The following NOSTRIN variants were observed in gnomAD, a reference collection of about 807,000 sequenced individuals.
NOSTRIN encodes the protein nitric oxide synthase trafficking, also known as BM247 homolog.
NOSTRIN carries 63 observed loss-of-function variants against 59.0 expected under a neutral mutation model. The ratio of observed to expected loss-of-function variants is 1.07; its 90% CI spans 0.87 to 1.32. NOSTRIN has a LOEUF of 1.32. Ranked by LOEUF, NOSTRIN falls within the 40% of genes most tolerant of loss-of-function variation. The pLI, the probability that NOSTRIN is intolerant of heterozygous loss-of-function variation, is 0.00. For missense variants in NOSTRIN, 512 were observed against 473.1 expected, an observed-to-expected ratio of 1.08 and a Z score of -0.76; for synonymous variants, 200 against 165.4, an observed-to-expected ratio of 1.21 and a Z score of -1.61.
chr2:168,819,471 C>T (rs1223275169), intron 2 of NOSTRIN, among the ~76,000 whole-genome samples: 1 of 152,182 alleles, frequency 6.6e-6, no homozygotes, highest in African/African-American at 2.4e-5. Context: ...AACATGGCTT[C>T]TTATAAAGGA....
chr2:168,817,422 G>A (rs1054427643), intron 2 of NOSTRIN, among the ~76,000 whole-genome samples: 2 of 152,234 alleles, frequency 1.3e-5, no homozygotes, highest in African/African-American at 4.8e-5. Flanking sequence ...GGTTAAGTGG[G>A]CAGGGCTCTG....
intron 12 of NOSTRIN, among the ~76,000 whole-genome samples, chr2:168,857,640 A>G (rs1158241834): frequency 6.6e-6 from 1 of 152,254 alleles, no homozygotes; most frequent in Admixed American, 6.5e-5. Context: ...GAACAGATAT[A>G]TAGCACCAGT....
intron 14 of NOSTRIN, among the ~76,000 whole-genome samples, chr2:168,861,291 C>G (rs1176240238): frequency 1.3e-5 from 2 of 152,134 alleles, no homozygotes; most frequent in Non-Finnish European, 2.9e-5. Flanking sequence ...CATGGTGATC[C>G]AGGTGGTTTG....
chr2:168,840,720 C>T (rs1688046448), intron 7 of NOSTRIN, among the ~76,000 whole-genome samples: 1 of 151,920 alleles, frequency 6.6e-6, no homozygotes, highest in African/African-American at 2.4e-5. Context: ...TAGAGAGAGT[C>T]CATTTTAACA....
intron 2 of NOSTRIN, among the ~76,000 whole-genome samples, chr2:168,817,632 T>A (rs853666): frequency 6.6e-6 from 1 of 151,924 alleles, no homozygotes; most frequent in Non-Finnish European, 1.5e-5. Flanking sequence ...AGCTTAGGAA[T>A]GAATGCACAC....
intron 3 of NOSTRIN, among the ~76,000 whole-genome samples, chr2:168,827,751 G>A (rs376620564): frequency 2.6e-5 from 4 of 151,544 alleles, no homozygotes; most frequent in South Asian, 2.1e-4. Context: ...AAAGTTTTTC[G>A]TAGAGAAAAG....
chr2:168,825,317 T>C (rs148455749), intron 3 of NOSTRIN, among the ~76,000 whole-genome samples: 353 of 152,326 alleles, frequency 2.3e-3, no homozygotes, highest in African/African-American at 8.2e-3. Flanking sequence ...ATGAGTTGCA[T>C]AGCTGGATTC....
upstream of NOSTRIN, among the ~76,000 whole-genome samples, chr2:168,800,259 A>G (rs554701997): frequency 6.6e-6 from 1 of 152,346 alleles, no homozygotes; most frequent in African/African-American, 2.4e-5. Context: ...CCATCCAGCT[A>G]AACTACAGAT....
upstream of NOSTRIN, among the ~76,000 whole-genome samples, chr2:168,801,924 G>A (rs1176811220): frequency 1.3e-5 from 2 of 152,182 alleles, no homozygotes; most frequent in Admixed American, 6.5e-5. Flanking sequence ...AGCGAGTGTG[G>A]AGTTAGGCTC....
chr2:168,834,511 A>ACACACACACACACG (rs1687593802), intron 7 of NOSTRIN, among the ~76,000 whole-genome samples, 186 bp downstream of exon 7: 3 of 129,394 alleles, frequency 2.3e-5, no homozygotes, highest in African/African-American at 8.5e-5. Context: ...GCGCGCGCAC[A>ACACACACACACACG]CACACACACA....
chr2:168,841,489 G>T (rs746553338), intron 7 of NOSTRIN, among the ~76,000 whole-genome samples: 2 of 152,106 alleles, frequency 1.3e-5, no homozygotes, highest in African/African-American at 4.8e-5. Context: ...GCAAGAGGGG[G>T]GCTCTTTGTA....
intron 8 of NOSTRIN, among the ~76,000 whole-genome samples, chr2:168,847,425 C>G (rs1359940043): frequency 6.6e-6 from 1 of 152,064 alleles, no homozygotes; most frequent in Non-Finnish European, 1.5e-5. Context: ...TCAATCAGAG[C>G]CTCTGAATGA....
Position 168,831,469 on chromosome 2 carries a change from T to C in NOSTRIN, c.343-3T>C, listed in dbSNP as rs755054570. Reference sequence around the variant, plus strand: ...CTTTGTTTCCTTTTTCCTTTTTCAATAGCTTGACAATGAAGTTGAAAAGAC... The same window carrying C: ...CTTTGTTTCCTTTTTCCTTTTTCAACAGCTTGACAATGAAGTTGAAAAGAC... On this transcript the variant is annotated splice_polypyrimidine_tract_variant and splice_region_variant and intron_variant, in intron 5 of 15. Coordinates refer to ENST00000317647, the MANE Select transcript of NOSTRIN (RefSeq NM_001039724.4). The C allele has an allele frequency of 1.2e-6, 1 of 863,350 alleles. No individual in the cohort carries two copies. Among genetic ancestry groups the C allele is most frequent in the Non-Finnish European group, 2.0e-6 (1 of 494,028 alleles). 53.5% of individuals were successfully genotyped at this position (863,350 alleles called of 1,614,324 possible).
At chr2:168,827,946 T>A (rs948561272) in intron 3 of NOSTRIN, among the ~76,000 whole-genome samples, 1 of 151,788 alleles carries the variant, frequency 6.6e-6, no homozygotes. Context: ...AAATGAAAAA[T>A]AACTGGGAAA....
chr2:168,846,816 T>C (rs181785224), intron 8 of NOSTRIN, among the ~76,000 whole-genome samples: 6 of 152,286 alleles, frequency 3.9e-5, no homozygotes, highest in Admixed American at 3.9e-4. Context: ...ATGATTCGAG[T>C]GGCTGCTTTC....
intron 12 of NOSTRIN, 197 bp from the exon 13 acceptor site, chr2:168,859,315 A>C: frequency 1.5e-6 from 1 of 684,058 alleles, no homozygotes; most frequent in Non-Finnish European, 2.3e-6. Flanking sequence ...ACACTCAACA[A>C]CTAAAACCTC....
intron 7 of NOSTRIN, among the ~76,000 whole-genome samples, 186 bp downstream of exon 7, chr2:168,834,511 A>ACACACACGCG (rs772551514): frequency 0.086 from 11,158 of 129,230 alleles, 715 homozygotes; most frequent in East Asian, 0.45. Flanking sequence ...GCGCGCGCAC[A>ACACACACGCG]CACACACACA....
intron 12 of NOSTRIN, chr2:168,859,077 C>T (rs1490486885): frequency 6.5e-6 from 1 of 153,880 alleles, no homozygotes; most frequent in Admixed American, 6.5e-5. Flanking sequence ...ACAAACAAAC[C>T]TCACATTCAA....
intron 2 of NOSTRIN, among the ~76,000 whole-genome samples, chr2:168,821,632 G>T (rs140170212): frequency 6.6e-6 from 1 of 152,360 alleles, no homozygotes; most frequent in East Asian, 1.9e-4. Context: ...AACTGTAAGG[G>T]GAGAGTGGCG....
Sources: gnomAD v4.1 joint callset for allele counts (sites outside exome capture counted in the v4.1 genomes callset) on GRCh38, gnomAD v4.1.1 for gene constraint, MANE v1.5 for transcripts, NCBI Gene and HGNC (gene_info 2026-07-23, HGNC 2026-07-21) for gene names.